The following DNAH17 variants were observed in gnomAD, a reference collection of about 807,000 sequenced individuals.
DNAH17 encodes dynein axonemal heavy chain 17, also known as axonemal beta dynein heavy chain 17.
Under a neutral mutation model 485.6 loss-of-function variants are expected in DNAH17, and 376 were observed. The observed-to-expected ratio is 0.77, with a 90% CI of 0.71 to 0.84. The LOEUF is 0.84. DNAH17 is among the 40% of genes least tolerant of loss of function. The pLI is 0.00. For missense variants in DNAH17, 6,370 were observed against 5,839.3 expected (o/e 1.09, Z -2.96); for synonymous variants, 3,031 against 2,405.9 (o/e 1.26, Z -7.60).
At chr17:78,450,157 G>A in intron 68 of DNAH17, 97 bp downstream of exon 68, 1 of 1,446,196 alleles carries the variant, frequency 6.9e-7, no homozygotes. Flanking sequence ...GGTGGCCCTG[G>A]CACTGCCCGA....
intron 13 of DNAH17, among the ~76,000 whole-genome samples, chr17:78,559,983 C>T (rs1443336705): frequency 1.3e-5 from 2 of 152,178 alleles, no homozygotes; most frequent in African/African-American, 2.4e-5. Context: ...ATTGCACCTG[C>T]CCCTTCTACC....
At chr17:78,539,598 G>T in intron 18 of DNAH17, 139 bp downstream of exon 18, 1 of 795,048 alleles carries the variant, frequency 1.3e-6, no homozygotes, top group Non-Finnish European at 1.8e-6. Flanking sequence ...TTAAAACCAG[G>T]TCAAGTAGAT....
At position 78,569,519 on chromosome 17, in the gene DNAH17, GGTTCGT is replaced by G; in HGVS notation, c.1047_1052del (p.Arg350_Thr351del). 2 of 1,605,544 alleles carry G rather than the reference GGTTCGT, an allele frequency of 1.2e-6. No individual in the cohort carries two copies. The highest frequency in any genetic ancestry group is 1.7e-6 in the Non-Finnish European group (2 of 1,176,076). The stretch of plus-strand genomic sequence containing the variant: ...TCAGCACCTCTTCCGGGCTCAGGAA[GGTTCGT>G]GTCTGGGCAAAAGAGAAGACAGACA... On this transcript the variant is annotated inframe_deletion and splice_region_variant, in exon 8 of 81. Transcript: ENST00000389840.
At position 78,451,352 on chromosome 17, in the gene DNAH17, G is replaced by C. The variant is rs540222621; in HGVS notation, c.10734+117C>G. On this transcript the variant is annotated intron_variant, in intron 66 of 80. Coordinates refer to ENST00000389840, the MANE Select transcript of DNAH17 (RefSeq NM_173628.4). ...CGTGGGACACACTGAGGCACCTTCAGAGAGAAGCAACGACACACACTGGAC... is the reference window on the plus strand; with the variant it reads ...CGTGGGACACACTGAGGCACCTTCACAGAGAAGCAACGACACACACTGGAC... 3.0e-5 allele frequency: 28 copies of C among 945,364 alleles called. No individual in the cohort carries two copies. The African/African-American group carries it at 3.3e-4, about 11-fold the overall frequency. 58.6% of individuals were successfully genotyped at this position (945,364 alleles called of 1,614,324 possible). A position where few individuals can be genotyped will look rare whatever the true frequency, so the allele number is the denominator to read the frequency against.
rs767673336 is a variant in DNAH17, at chr17:78,460,027, C to T, written c.9436-26G>A. Reference sequence around the variant, plus strand: ...CTGCAAATGACAGACGGGATGGGTCCGATGGGAGTTTGGACCGGGTCCTCG... The same window carrying T: ...CTGCAAATGACAGACGGGATGGGTCTGATGGGAGTTTGGACCGGGTCCTCG... On this transcript the variant is annotated intron_variant, in intron 59 of 80. Transcript: ENST00000389840. 9.9e-6 allele frequency: 16 copies of T among 1,610,744 alleles called. No homozygotes were observed. The Admixed American group carries it at 1.0e-4, about 10-fold the overall frequency.
At chr17:78,531,695 C>T (rs1020391563) in intron 20 of DNAH17, among the ~76,000 whole-genome samples, 5 of 152,204 alleles carry the variant, frequency 3.3e-5, no homozygotes, top group African/African-American at 1.2e-4. Context: ...TTCTTGGTTT[C>T]TGTTTGTGTG....
chr17:78,553,297 TTTTTTTTTTTTTTTTTTTTTTTA>T (rs1173819019), intron 14 of DNAH17, among the ~76,000 whole-genome samples: 9 of 51,392 alleles, frequency 1.8e-4, no homozygotes, highest in Non-Finnish European at 3.8e-4. Flanking sequence ...TTTTTTTTTT[TTTTTTTTTTTTTTTTTTTTTTTA>T]AGATGGAGTC....
At chr17:78,536,285 TAAA>T (rs113161704) in intron 19 of DNAH17, among the ~76,000 whole-genome samples, 1 of 150,540 alleles carries the variant, frequency 6.6e-6, no homozygotes, top group Admixed American at 6.6e-5. Flanking sequence ...TAAAAATATA[TAAA>T]AAAAAAGAAA....
At chr17:78,461,120 C>CG (rs113246600) in intron 58 of DNAH17, among the ~76,000 whole-genome samples, 6,387 of 151,502 alleles carry the variant, frequency 0.042, 318 homozygotes, top group African/African-American at 0.12. Flanking sequence ...CCTACCCTCT[C>CG]GGGGGGGGCC....
intron 31 of DNAH17, 151 bp from the exon 32 acceptor site, chr17:78,503,162 G>C: frequency 2.8e-6 from 1 of 361,296 alleles, no homozygotes; most frequent in South Asian, 4.0e-5. Context: ...CAGTAACAGT[G>C]ACACACCTTT....
In DNAH17 at chr17:78,560,824, G is replaced by T; in HGVS notation, c.1947C>A (p.Asp649Glu). 1 of 1,551,788 alleles carries T rather than the reference G, an allele frequency of 6.4e-7. No individual in the cohort carries two copies. The highest frequency in any genetic ancestry group is 8.7e-7 in the Non-Finnish European group (1 of 1,147,118). The change falls in exon 13 of 81, where the codon GAC becomes GAA. Residue 649 changes from aspartate (D) to glutamate (E), a missense_variant. Transcript: ENST00000389840. ...KIYQQWVAGV[D>E]QDCHFNLGQP... ...GCCCCAGGTTAAAGTGGCAGTCCTG[G>T]TCCACGCCCGCCACCCACTGCTGGT...
At position 78,462,991 on chromosome 17, in the gene DNAH17, C is replaced by T. The variant is rs148463181; in HGVS notation, c.9027G>A (p.Glu3009=). 2.1e-5 allele frequency: 34 copies of T among 1,613,990 alleles called. No homozygotes were observed. The African/African-American group carries it at 3.7e-4, about 18-fold the overall frequency. ...TGGGTGTGGTGTAGTTGTAGCGCCT[C>T]TCAGTAGCCAGGTATACCCTGGACA... ...NEMSRVYLAT[E]RRYNYTTPKT... is the part of the protein sequence containing the mutation. Residue 3009 remains glutamate, a synonymous_variant, in exon 57 of 81, where the codon GAG becomes GAA. Transcript: ENST00000389840.
At position 78,459,064 on chromosome 17, in the gene DNAH17, C is replaced by T. The variant is rs779974596; in HGVS notation, c.9798G>A (p.Glu3266=). Residue 3266 remains glutamate (E), a synonymous_variant, in exon 61 of 81, where the codon GAG becomes GAA. Coordinates refer to ENST00000389840, the MANE Select transcript of DNAH17 (RefSeq NM_173628.4). ...CCTCTGCCAGCTCTGCATTAGCCTCCTCCAGTGCCTGCCTCTTGGGCGCCA... is the reference window on the plus strand; with the variant it reads ...CCTCTGCCAGCTCTGCATTAGCCTCTTCCAGTGCCTGCCTCTTGGGCGCCA... The part of the protein sequence containing the change: ...CDVAPKRQAL[E]EANAELAEAQ... The T allele has an allele frequency of 1.2e-6, 2 of 1,614,060 alleles. No individual in the cohort carries two copies. Among genetic ancestry groups the T allele is most frequent in the Non-Finnish European group, 8.5e-7 (1 of 1,179,906 alleles).
intron 66 of DNAH17, among the ~76,000 whole-genome samples, chr17:78,451,198 C>T (rs2087535366): frequency 6.6e-6 from 1 of 152,222 alleles, no homozygotes. Flanking sequence ...CTTAGAGCCC[C>T]CGAGGACCGC....
intron 75 of DNAH17, among the ~76,000 whole-genome samples, chr17:78,431,707 A>AGGGG (rs1202215273): frequency 6.6e-6 from 1 of 151,732 alleles, no homozygotes; most frequent in African/African-American, 2.4e-5. Context: ...GAGTCTGTGG[A>AGGGG]GGGGGAGGGA....
In DNAH17 at chr17:78,479,705, G is replaced by A. The variant is rs553094321; in HGVS notation, c.7753-73C>T. On this transcript the variant is annotated intron_variant, in intron 49 of 80. Coordinates refer to ENST00000389840, the MANE Select transcript of DNAH17 (RefSeq NM_173628.4). ...TGCCTGGGGCCAGGGCCACCTTCGC[G>A]GGAGAGTGGCCCCTGTCCTCATGTT... 143 of 1,590,798 alleles carry A rather than the reference G, an allele frequency of 9.0e-5. 1 individual carries two copies. In the African/African-American group the frequency reaches 1.3e-3, roughly 14 times the overall value.
At chr17:78,486,156 A>G in intron 45 of DNAH17, 23 bp from the exon 46 acceptor site, 1 of 1,608,868 alleles carries the variant, frequency 6.2e-7, no homozygotes, top group East Asian at 2.2e-5. Flanking sequence ...AGAAGTAAAA[A>G]TCAGGGCCCA....
intron 66 of DNAH17, 64 bp from the exon 67 acceptor site, chr17:78,450,910 C>CTGAGGGAGG: frequency 6.3e-7 from 1 of 1,582,408 alleles, no homozygotes; most frequent in Non-Finnish European, 8.6e-7. Flanking sequence ...CCCGGGCCTC[C>CTGAGGGAGG]CTCAGGTGGC....
chr17:78,459,471 A>G (rs2087984178), intron 60 of DNAH17, among the ~76,000 whole-genome samples: 1 of 152,212 alleles, frequency 6.6e-6, no homozygotes. Flanking sequence ...TGCAGACGAG[A>G]TGACGTGGCA....
Sources: gnomAD v4.1 joint callset for allele counts (sites outside exome capture counted in the v4.1 genomes callset) on GRCh38, gnomAD v4.1.1 for gene constraint, MANE v1.5 for transcripts, NCBI Gene and HGNC (gene_info 2026-07-23, HGNC 2026-07-21) for gene names.